The following REV3L variants were observed in gnomAD, a reference collection of about 807,000 sequenced individuals.
REV3L encodes the protein REV3 like, DNA directed polymerase zeta catalytic subunit.
In REV3L, 69 loss-of-function variants were observed where a neutral mutation model predicts 299.4. The observed-to-expected ratio is 0.23, with a 90% CI of 0.19 to 0.28. The LOEUF (loss-of-function observed/expected upper bound fraction) is 0.28. Among genes scored for constraint, REV3L ranks in the 10% least tolerant of loss-of-function variants. REV3L has a pLI of 1.00. For missense variants in REV3L, 3,128 were observed against 3,693.8 expected (o/e 0.85, Z 3.97); for synonymous variants, 1,238 against 1,271.4 (o/e 0.97, Z 0.56).
At chr6:111,465,162 C>T (rs1200270017) in intron 1 of REV3L, among the ~76,000 whole-genome samples, 1 of 143,838 alleles carries the variant, frequency 7.0e-6, no homozygotes, top group East Asian at 2.2e-4. Context: ...CTCACTGCAA[C>T]CTCTGCCTCC....
chr6:111,447,459 C>T (rs973155747), intron 1 of REV3L, among the ~76,000 whole-genome samples: 1 of 152,236 alleles, frequency 6.6e-6, no homozygotes, highest in South Asian at 2.1e-4. Context: ...AGTAATTTAA[C>T]CTCTATTAAT....
At chr6:111,400,127 T>A (rs962497868) in intron 4 of REV3L, among the ~76,000 whole-genome samples, 1 of 152,222 alleles carries the variant, frequency 6.6e-6, no homozygotes, top group Non-Finnish European at 1.5e-5. Flanking sequence ...GTTATCAAAG[T>A]TTATCCATTC....
chr6:111,461,480 T>A (rs1225624436), intron 1 of REV3L, among the ~76,000 whole-genome samples: 1 of 152,038 alleles, frequency 6.6e-6, no homozygotes, highest in Non-Finnish European at 1.5e-5. Context: ...AAGGTAAGGC[T>A]AATTATTGAA....
rs764659947 is a variant in REV3L, at chr6:111,389,157, G to A, written c.811C>T (p.Arg271Trp). 7.4e-6 allele frequency: 12 copies of A among 1,613,742 alleles called. No individual in the cohort carries two copies. Among genetic ancestry groups the A allele is most frequent in the Admixed American group, 1.7e-5 (1 of 60,000 alleles). Residue 271 changes from arginine (R) to tryptophan (W), a missense_variant, in exon 7 of 32, where the codon CGG becomes TGG. Coordinates refer to ENST00000368802, the MANE Select transcript of REV3L (RefSeq NM_001372078.1). Reference protein sequence around the residue: ...LQAIWEDEKQRRRNRNETSQM... With the variant: ...LQAIWEDEKQWRRNRNETSQM... ...GAAGTTTCATTTCTGTTTCTTCGCC[G>A]TTGCTTTTCATCTTCCCATATGGCC...
At chr6:111,416,250 C>A in intron 2 of REV3L, 33 bp downstream of exon 2, 1 of 1,428,710 alleles carries the variant, frequency 7.0e-7, no homozygotes, top group East Asian at 2.5e-5. Flanking sequence ...GCAACATAAA[C>A]AGAAATTATA....
intron 26 of REV3L, among the ~76,000 whole-genome samples, chr6:111,321,739 G>C (rs1402818856): frequency 6.6e-6 from 1 of 152,176 alleles, no homozygotes; most frequent in African/African-American, 2.4e-5. Flanking sequence ...GCTATTTAAT[G>C]ATCAGAAGCA....
intron 25 of REV3L, among the ~76,000 whole-genome samples, chr6:111,325,675 C>T (rs757024397): frequency 5.3e-5 from 8 of 152,280 alleles, no homozygotes; most frequent in African/African-American, 9.6e-5. Flanking sequence ...TGTATATATA[C>T]GTATATGCGG....
chr6:111,427,190 T>C (rs953137210), intron 1 of REV3L, among the ~76,000 whole-genome samples: 3 of 152,170 alleles, frequency 2.0e-5, no homozygotes, highest in Non-Finnish European at 4.4e-5. Flanking sequence ...TAAAATATTA[T>C]TGGTAATTAA....
chr6:111,367,736 G>A lies in REV3L; in HGVS notation c.6052C>T (p.Arg2018Cys), dbSNP rs756322972. 4.3e-6 allele frequency: 7 copies of A among 1,614,174 alleles called. No individual in the cohort carries two copies. The highest frequency in any genetic ancestry group is 5.1e-6 in the Non-Finnish European group (6 of 1,180,034). ...VWLQAKEEYE[R>C]SKKLPKTKPT... is the part of the protein sequence containing the mutation. ...TTGGTTTTAGGCAGTTTCTTGGAAC[G>A]TTCGTATTCTTCTTTGGCTTGAAGC... Residue 2018 changes from arginine (R) to cysteine (C), a missense_variant, in exon 14 of 32, where the codon CGT becomes TGT. Transcript: ENST00000368802.
At chr6:111,318,040 G>A (rs1773719453) in intron 26 of REV3L, among the ~76,000 whole-genome samples, 1 of 151,952 alleles carries the variant, frequency 6.6e-6, no homozygotes, top group Non-Finnish European at 1.5e-5. Flanking sequence ...AAGCTCCAAT[G>A]AAGAATCATA....
intron 26 of REV3L, among the ~76,000 whole-genome samples, chr6:111,322,002 T>C (rs1259505283): frequency 3.3e-5 from 5 of 152,214 alleles, no homozygotes; most frequent in Non-Finnish European, 5.9e-5. Context: ...ACATTATTAA[T>C]AACGTGCCTT....
At chr6:111,330,979 G>C in intron 24 of REV3L, 1 of 985,078 alleles carries the variant, frequency 1.0e-6, no homozygotes, top group African/African-American at 1.7e-5. Context: ...TAGTACACCA[G>C]AATGAATTTG....
chr6:111,329,863 C>T (rs1775212861), intron 24 of REV3L, 125 bp from the exon 25 acceptor site: 4 of 706,246 alleles, frequency 5.7e-6, no homozygotes, highest in Non-Finnish European at 7.1e-6. Context: ...AACAGAGTGA[C>T]CATAGTATTA....
At chr6:111,404,371 A>G (rs1049212931) in intron 4 of REV3L, among the ~76,000 whole-genome samples, 8 of 152,206 alleles carry the variant, frequency 5.3e-5, no homozygotes, top group African/African-American at 1.9e-4. Context: ...GCACCTGGTC[A>G]CCCAACAGGT....
intron 1 of REV3L, among the ~76,000 whole-genome samples, chr6:111,428,806 G>A (rs576548839): frequency 1.1e-4 from 16 of 151,892 alleles, no homozygotes; most frequent in Non-Finnish European, 2.4e-4. Context: ...AGGGAAAGGG[G>A]CAAAAAGCTT....
chr6:111,472,127 T>C, intron 1 of REV3L: 1 of 1,276,604 alleles, frequency 7.8e-7, no homozygotes, highest in East Asian at 6.1e-5. Flanking sequence ...ATGTGGCTTG[T>C]CTTGGGTTTT....
intron 1 of REV3L, among the ~76,000 whole-genome samples, chr6:111,462,240 C>T (rs763285265): frequency 1.3e-5 from 2 of 152,076 alleles, no homozygotes; most frequent in Non-Finnish European, 2.9e-5. Context: ...AATCTCATGT[C>T]TATTGCTAAT....
chr6:111,453,172 C>T (rs1789753946), intron 1 of REV3L, among the ~76,000 whole-genome samples: 1 of 152,078 alleles, frequency 6.6e-6, no homozygotes, highest in South Asian at 2.1e-4. Context: ...TATTTCTGGG[C>T]ACCATCCCAG....
chr6:111,309,738 ACT>A, intron 30 of REV3L, 113 bp downstream of exon 30: 1 of 1,211,032 alleles, frequency 8.3e-7, no homozygotes, highest in Non-Finnish European at 1.1e-6. Flanking sequence ...ACGGGACCAC[ACT>A]CTTCCCTTCC....
Sources: gnomAD v4.1 joint callset for allele counts (sites outside exome capture counted in the v4.1 genomes callset) on GRCh38, gnomAD v4.1.1 for gene constraint, MANE v1.5 for transcripts, NCBI Gene and HGNC (gene_info 2026-07-23, HGNC 2026-07-21) for gene names.